Variants in NBPF20 observed in about 807,000 individuals in gnomAD.
The protein encoded by NBPF20 is NBPF family member NBPF20.
In NBPF20, 90 loss-of-function variants were observed where a neutral mutation model predicts 68.1. The observed-to-expected ratio is 1.32, with a 90% CI of 1.11 to 1.58. The LOEUF is 1.58. Ranked by LOEUF, NBPF20 falls within the 40% of genes most tolerant of loss-of-function variation. The pLI, the probability that NBPF20 is intolerant of heterozygous loss-of-function variation, is 0.00. For synonymous variants in NBPF20, 290 were observed against 228.1 expected (o/e 1.27, Z -2.45); for missense variants, 816 against 601.2 (o/e 1.36, Z -3.74).
chr1:145,423,636 G>A, the NBPF20 span, among the ~76,000 whole-genome samples: 3 of 151,888 alleles, frequency 2.0e-5, no homozygotes. Context: ...GATTTAACAG[G>A]CACTTCACAA....
exon 138 of NBPF20, chr1:145,291,752 A>G (rs587666547): frequency 1.7e-5 from 28 of 1,611,982 alleles, no homozygotes; most frequent in African/African-American, 1.3e-4. Context: ...TTCCACTTCC[A>G]TCAGCACGCC....
Position 145,393,993 on chromosome 1 carries a change from A to T in NBPF20, c.992-58T>A, listed in dbSNP as rs1392492233. On this transcript the variant is annotated intron_variant, in intron 8 of 137. Coordinates refer to ENST00000369373, the Ensembl canonical transcript of NBPF20. The stretch of plus-strand genomic sequence containing the variant: ...TAAGCAGTTCTTCCTTGCACACAGA[A>T]ACATTCCTCTGTCCAATCCTAACAC... 4.2e-4 allele frequency: 374 copies of T among 895,210 alleles called. 1 individual carries two copies. In the African/African-American group the frequency reaches 5.5e-3, roughly 13 times the overall value. 55.5% of individuals were successfully genotyped at this position (895,210 alleles called of 1,614,324 possible).
In NBPF20 at chr1:145,291,715, C is replaced by A. The variant is rs371398702; in HGVS notation, c.16752G>T (p.Leu5584=). 284 of 1,611,928 alleles carry A rather than the reference C, an allele frequency of 1.8e-4. 1 individual carries two copies. The highest frequency in any genetic ancestry group is 2.3e-4 in the Non-Finnish European group (272 of 1,179,866). The stretch of plus-strand genomic sequence containing the variant: ...TTGACGGAGTAGAATAACATCCATC[C>A]AGTGAGTCCTGTAAGACTTCAGGCT... The change falls in exon 138 of 138, where the codon CTG becomes CTT. Residue 5584 remains leucine (L), a synonymous_variant. Coordinates refer to ENST00000369373, the Ensembl canonical transcript of NBPF20.
At chr1:145,406,077 C>T (rs1488880059), upstream of NBPF20, among the ~76,000 whole-genome samples, 2 of 149,678 alleles carry the variant, frequency 1.3e-5, no homozygotes, top group Non-Finnish European at 1.5e-5. Flanking sequence ...CGCCACCACG[C>T]CCGGCTAATT....
intron 8 of NBPF20, among the ~76,000 whole-genome samples, chr1:145,394,596 C>T (rs1380178357): frequency 6.6e-6 from 1 of 151,942 alleles, no homozygotes; most frequent in Admixed American, 6.6e-5. Context: ...CACAGACATG[C>T]TTTGGGAACA....
chr1:145,400,636 C>A (rs2101571142), intron 5 of NBPF20, 42 bp from the exon 11 acceptor site: 1 of 1,588,294 alleles, frequency 6.3e-7, no homozygotes, highest in Non-Finnish European at 8.6e-7. Flanking sequence ...AGATTAAACA[C>A]AGAGGGATTG....
At chr1:145,403,969 T>C (rs1553666216) in intron 2 of NBPF20, among the ~76,000 whole-genome samples, 2 of 142,588 alleles carry the variant, frequency 1.4e-5, no homozygotes, top group African/African-American at 5.3e-5. Context: ...TTCTAGGAGA[T>C]TGACAAGAAA....
In NBPF20 at chr1:145,292,204, T is replaced by A. The variant is rs188126764; in HGVS notation, c.16697+177A>T. ...CAACCTATGGCACGTTAGTAAAAGA[T>A]AAGGGGAGGAAGAAATGGAAACCTA... On this transcript the variant is annotated intron_variant, in intron 137 of 137. Transcript: ENST00000369373. Among the ~76,000 whole-genome samples, 4 of 149,628 alleles carry A rather than the reference T, an allele frequency of 2.7e-5. No individual in the cohort carries two copies. In the East Asian group the frequency reaches 7.7e-4, roughly 29 times the overall value.
At chr1:145,394,033 T>C (rs1662088196) in intron 8 of NBPF20, 98 bp from the exon 14 acceptor site, 3 of 780,096 alleles carry the variant, frequency 3.8e-6, no homozygotes, top group Non-Finnish European at 6.9e-6. Context: ...ACATCAGTCT[T>C]GTCAGTGTGA....
At chr1:145,410,698 A>ATGTG in the NBPF20 span, among the ~76,000 whole-genome samples, 423 of 112,980 alleles carry the variant, frequency 3.7e-3, 1 homozygote, top group Non-Finnish European at 6.2e-3. Context: ...CAATATATAT[A>ATGTG]TATGTGTGTG....
At chr1:145,407,547 TA>T (rs1167237518), upstream of NBPF20, among the ~76,000 whole-genome samples, 2 of 147,424 alleles carry the variant, frequency 1.4e-5, no homozygotes, top group Admixed American at 6.8e-5. Context: ...AATACGTGTA[TA>T]TACATAATAT....
the NBPF20 span, among the ~76,000 whole-genome samples, chr1:145,415,381 G>A: frequency 6.6e-6 from 1 of 151,532 alleles, no homozygotes; most frequent in South Asian, 2.1e-4. Context: ...ACTGCAAAGA[G>A]GCCTTCCTTC....
chr1:145,419,356 C>G, the NBPF20 span, among the ~76,000 whole-genome samples: 1 of 152,188 alleles, frequency 6.6e-6, no homozygotes, highest in African/African-American at 2.4e-5. Flanking sequence ...TGGAGACAGA[C>G]GCACTACTGT....
upstream of NBPF20, among the ~76,000 whole-genome samples, chr1:145,406,062 G>T (rs1662764246): frequency 6.7e-6 from 1 of 149,104 alleles, no homozygotes; most frequent in Middle Eastern, 3.6e-3. Context: ...GGGAATACAG[G>T]CACCCGCCAC....
At chr1:145,395,916 G>GA (rs1434705168) in intron 7 of NBPF20, among the ~76,000 whole-genome samples, 6 of 145,428 alleles carry the variant, frequency 4.1e-5, no homozygotes, top group Non-Finnish European at 7.4e-5. Flanking sequence ...CACAAAAGCT[G>GA]AAAATTCCAA....
intron 8 of NBPF20, among the ~76,000 whole-genome samples, chr1:145,394,621 T>G (rs1285181003): frequency 5.3e-5 from 8 of 151,968 alleles, no homozygotes; most frequent in Non-Finnish European, 1.0e-4. Context: ...TCATAAGGAA[T>G]TTTGTAGCTG....
At chr1:145,407,419 A>G (rs1475781663), upstream of NBPF20, among the ~76,000 whole-genome samples, 18 of 146,640 alleles carry the variant, frequency 1.2e-4, no homozygotes, top group East Asian at 1.2e-3. Context: ...ACATATATAC[A>G]TGTATACACG....
exon 138 of NBPF20, chr1:145,291,516 T>C (rs782461765): frequency 1.2e-6 from 2 of 1,611,938 alleles, no homozygotes; most frequent in Non-Finnish European, 1.7e-6. Flanking sequence ...CTCGGCTTAG[T>C]AAGGGCTGTT....
At chr1:145,408,039 C>T (rs1344499654), upstream of NBPF20, 3 of 175,914 alleles carry the variant, frequency 1.7e-5, no homozygotes, top group Non-Finnish European at 3.8e-5. Flanking sequence ...CGGTGGAGCC[C>T]CCACCTTCAA....
Sources: allele counts gnomAD v4.1 joint callset (sites outside exome capture counted in the v4.1 genomes callset), GRCh38; gene constraint gnomAD v4.1.1; transcripts MANE v1.5; gene names NCBI Gene and HGNC (gene_info 2026-07-23, HGNC 2026-07-21).